The following LRIG1 variants were observed in gnomAD, a reference collection of about 807,000 sequenced individuals.
LRIG1 encodes leucine rich repeats and immunoglobulin like domains 1.
In LRIG1, 48 loss-of-function variants were observed where a neutral mutation model predicts 99.2. The ratio of observed to expected loss-of-function variants is 0.48; its 90% CI spans 0.38 to 0.62. The LOEUF is 0.62. LRIG1 is among the 20% of genes least tolerant of loss of function. The pLI, the probability that LRIG1 is intolerant of heterozygous loss-of-function variation, is 0.00. For synonymous variants in LRIG1, 772 were observed against 596.1 expected (o/e 1.29, Z -4.30); for missense variants, 1,646 against 1,434.4 (o/e 1.15, Z -2.38).
chr3:66,448,201 G>C (rs1703788706), intron 3 of LRIG1, among the ~76,000 whole-genome samples: 1 of 152,172 alleles, frequency 6.6e-6, no homozygotes, highest in South Asian at 2.1e-4. Context: ...CCAAAACTAT[G>C]GAAGTCTCTT....
chr3:66,385,696 GC>G (rs1477379944), intron 13 of LRIG1, among the ~76,000 whole-genome samples: 1 of 152,096 alleles, frequency 6.6e-6, no homozygotes, highest in African/African-American at 2.4e-5. Context: ...CAAGTGATCT[GC>G]CCACCTCAGT....
intron 1 of LRIG1, among the ~76,000 whole-genome samples, chr3:66,472,552 C>G (rs1700627477): frequency 6.6e-6 from 1 of 152,116 alleles, no homozygotes; most frequent in South Asian, 2.1e-4. Context: ...CTGAGATGAA[C>G]CCTGCTATCA....
At chr3:66,406,050 T>A in intron 8 of LRIG1, 1 of 986,308 alleles carries the variant, frequency 1.0e-6, no homozygotes, top group Non-Finnish European at 1.2e-6. Flanking sequence ...TCTTAAATTT[T>A]CCCCCCGAGC....
intron 3 of LRIG1, among the ~76,000 whole-genome samples, chr3:66,429,787 GGTGT>G (rs35021380): frequency 0.038 from 5,689 of 149,372 alleles, 291 homozygotes; most frequent in African/African-American, 0.12. Flanking sequence ...AAACAGGGTG[GGTGT>G]GTGTGTGTGT....
chr3:66,408,913 AGTGTGTGTGTGT>A (rs55651719), intron 7 of LRIG1, among the ~76,000 whole-genome samples: 487 of 34,926 alleles, frequency 0.014, 3 homozygotes, highest in Non-Finnish European at 0.02. Flanking sequence ...ACTCCAAGTC[AGTGTGTGTGTGT>A]GTGTGTGTGT....
intron 1 of LRIG1, among the ~76,000 whole-genome samples, chr3:66,469,445 T>C (rs138308166): frequency 6.6e-6 from 1 of 152,330 alleles, no homozygotes; most frequent in East Asian, 1.9e-4. Flanking sequence ...ACTCATTGCC[T>C]ATTTTTACTC....
Position 66,380,782 on chromosome 3 carries a change from CT to C in LRIG1, c.2849del (p.Gln950ArgfsTer55). On this transcript the variant is annotated frameshift_variant, in exon 18 of 19. Transcript: ENST00000273261. LOFTEE classifies it high-confidence loss of function. Reference protein sequence around the residue: ...CYSRGQAFHPQPVSRDSAQPS... With the variant: ...CYSRGQAFHPXPVSRDSAQPS... The stretch of plus-strand genomic sequence containing the variant: ...GCTGTGCGCTGTCTCTGGACACAGG[CT>C]GGGGGTGGAAGGCTTGTCCCCTGGA... 1 of 1,614,186 alleles carries C rather than the reference CT, an allele frequency of 6.2e-7. No homozygotes were observed. Among genetic ancestry groups the C allele is most frequent in the Non-Finnish European group, 8.5e-7 (1 of 1,180,026 alleles).
In LRIG1 at chr3:66,462,530, A is replaced by G. The variant is rs535375847; in HGVS notation, c.219-21T>C. Reference sequence around the variant, plus strand: ...GGTTTCTGGTAAAGACAGAGAGAGAAAAAAACGGAATCAACAACCTGGCAT... The same window carrying G: ...GGTTTCTGGTAAAGACAGAGAGAGAGAAAAACGGAATCAACAACCTGGCAT... On this transcript the variant is annotated intron_variant, in intron 1 of 18. Transcript: ENST00000273261. The G allele has an allele frequency of 1.6e-5, 25 of 1,568,260 alleles. No homozygotes were observed. The Admixed American group carries it at 3.7e-4, about 23-fold the overall frequency.
intron 1 of LRIG1, among the ~76,000 whole-genome samples, chr3:66,466,874 G>C (rs953860766): frequency 1.3e-5 from 2 of 152,252 alleles, no homozygotes; most frequent in African/African-American, 4.8e-5. Flanking sequence ...GGAGAGGAAA[G>C]AAACCTCGGA....
In LRIG1 at chr3:66,472,171, G is replaced by C. The variant is rs6770778; in HGVS notation, c.219-9662C>G. Among the ~76,000 whole-genome samples, 553 of 151,998 alleles carry C rather than the reference G, an allele frequency of 3.6e-3. 2 individuals are homozygous for C. Among genetic ancestry groups the C allele is most frequent in the African/African-American group, 0.013 (521 of 41,430 alleles). ...TACAAAAAATTAGCCTGGCGTGGTG[G>C]TGGGCGCCTGTAGTCCCAGCTGCTG... On this transcript the variant is annotated intron_variant, in intron 1 of 18. Coordinates refer to ENST00000273261, the MANE Select transcript of LRIG1 (RefSeq NM_015541.3).
At chr3:66,463,828 G>A (rs1295477296) in intron 1 of LRIG1, among the ~76,000 whole-genome samples, 1 of 152,192 alleles carries the variant, frequency 6.6e-6, no homozygotes, top group Admixed American at 6.5e-5. Flanking sequence ...ACCTAGAGCT[G>A]AGAGCCATTT....
chr3:66,390,612 CAA>C (rs905569828), intron 12 of LRIG1, among the ~76,000 whole-genome samples: 1 of 151,866 alleles, frequency 6.6e-6, no homozygotes, highest in East Asian at 1.9e-4. Context: ...CAAGCTGATC[CAA>C]AAAATTGTAA....
Position 66,380,352 on chromosome 3 carries a change from C to G in LRIG1, c.3193G>C (p.Ala1065Pro). Residue 1065 changes from alanine to proline, a missense_variant, in exon 19 of 19, where the codon GCA (alanine) becomes CCA (proline). Transcript: ENST00000273261. ...GTGGACTCGGGACTGGCGTCACATG[C>G]TTTGGGGAGGTGGCCATTGGAAACA... ...LLVSNGHLPK[A>P]CDASPESTPL... 1 of 1,614,172 alleles carries G rather than the reference C, an allele frequency of 6.2e-7. No homozygotes were observed. Among genetic ancestry groups the G allele is most frequent in the Middle Eastern group, 1.6e-4 (1 of 6,062 alleles).
intron 3 of LRIG1, among the ~76,000 whole-genome samples, chr3:66,441,144 T>A (rs1414943438): frequency 2.0e-5 from 3 of 152,134 alleles, no homozygotes; most frequent in Non-Finnish European, 2.9e-5. Context: ...CAGTGGCCCC[T>A]GAGAGGGCAG....
At chr3:66,420,918 G>T (rs1378393182) in intron 3 of LRIG1, among the ~76,000 whole-genome samples, 1 of 152,192 alleles carries the variant, frequency 6.6e-6, no homozygotes, top group Non-Finnish European at 1.5e-5. Context: ...CGTGGCTGGG[G>T]AGGCCTCACA....
At chr3:66,413,967 CA>C (rs1702544348) in intron 5 of LRIG1, among the ~76,000 whole-genome samples, 1 of 149,244 alleles carries the variant, frequency 6.7e-6, no homozygotes, top group Admixed American at 6.7e-5. Context: ...AAAGAGGGCA[CA>C]GGAAAAAAAA....
At chr3:66,448,506 C>T (rs1163652878) in intron 3 of LRIG1, among the ~76,000 whole-genome samples, 1 of 152,130 alleles carries the variant, frequency 6.6e-6, no homozygotes. Context: ...CCCCTACTCT[C>T]AACTTTCGGG....
At chr3:66,480,290 G>A (rs529236144) in intron 1 of LRIG1, among the ~76,000 whole-genome samples, 75 of 152,266 alleles carry the variant, frequency 4.9e-4, no homozygotes, top group Admixed American at 7.2e-4. Context: ...AGATGTTGCC[G>A]GGGGATGGGA....
chr3:66,475,782 G>C (rs1361237843), intron 1 of LRIG1, among the ~76,000 whole-genome samples: 1 of 152,196 alleles, frequency 6.6e-6, no homozygotes, highest in Non-Finnish European at 1.5e-5. Flanking sequence ...ACAAGCACCT[G>C]AGAAAAGATC....
Sources: gnomAD v4.1 joint callset for allele counts (sites outside exome capture counted in the v4.1 genomes callset) on GRCh38, gnomAD v4.1.1 for gene constraint, MANE v1.5 for transcripts, NCBI Gene and HGNC (gene_info 2026-07-23, HGNC 2026-07-21) for gene names.